CLEC2L: variants seen among roughly 807,000 people sequenced by gnomAD.
CLEC2L encodes the protein C-type lectin domain family 2 member L.
CLEC2L carries 14 observed loss-of-function variants against 23.6 expected under a neutral mutation model. The observed-to-expected ratio is 0.59, with a 90% CI of 0.39 to 0.93. The LOEUF (loss-of-function observed/expected upper bound fraction) is 0.93. Ranked by LOEUF, CLEC2L falls within the 40% of genes least tolerant of loss-of-function variation. The pLI is 0.00. For missense variants in CLEC2L, 264 were observed against 282.4 expected (o/e 0.93, Z 0.47); for synonymous variants, 114 against 121.3 (o/e 0.94, Z 0.40).
At chr7:139,529,447 A>G (rs1278805419) in intron 1 of CLEC2L, among the ~76,000 whole-genome samples, 1 of 152,246 alleles carries the variant, frequency 6.6e-6, no homozygotes, top group African/African-American at 2.4e-5. Context: ...GGATTACAGC[A>G]TCAATGATAG....
chr7:139,531,441 A>C (rs1171407141), intron 1 of CLEC2L, among the ~76,000 whole-genome samples: 1 of 152,202 alleles, frequency 6.6e-6, no homozygotes, highest in African/African-American at 2.4e-5. Flanking sequence ...AGGATGATAA[A>C]ATTGAGAAAA....
In CLEC2L at chr7:139,544,239, T is replaced by G; in HGVS notation, c.542T>G (p.Ile181Ser). 6.2e-7 allele frequency: 1 copy of G among 1,612,458 alleles called. No homozygotes were observed. The highest frequency in any genetic ancestry group is 8.5e-7 in the Non-Finnish European group (1 of 1,178,990). ...TTCTCTCCTGGCCACAGGTTCACCA[T>G]CGCAGGTCCAGGGGAGTGTGTCTTC... ...GDPFDPDTFT[I>S]AGPGECVFVE... Residue 181 changes from isoleucine (I) to serine (S), a missense_variant, in exon 5 of 5, where the codon ATC (isoleucine) becomes AGC (serine). Coordinates refer to ENST00000422142, the MANE Select transcript of CLEC2L (RefSeq NM_001080511.4).
chr7:139,533,264 C>G (rs1442010599), intron 1 of CLEC2L, among the ~76,000 whole-genome samples: 1 of 152,154 alleles, frequency 6.6e-6, no homozygotes, highest in Non-Finnish European at 1.5e-5. Context: ...TATTTACATA[C>G]ACATGGCACT....
In CLEC2L at chr7:139,525,415, A is replaced by C. The variant is rs115966776; in HGVS notation, c.190+1298A>C. Among the ~76,000 whole-genome samples the C allele has an allele frequency of 5.3e-4, 81 of 152,282 alleles. 2 individuals are homozygous for C. The South Asian group carries it at 0.016, about 30-fold the overall frequency. On this transcript the variant is annotated intron_variant, in intron 1 of 4. Transcript: ENST00000422142. ...TGCACTGTCCGAGGAAGGGCTGTGC[A>C]GACTCTGAAGCTGGACCACCAGACA... is the stretch of plus-strand genomic sequence containing the variant.
intron 1 of CLEC2L, among the ~76,000 whole-genome samples, chr7:139,526,525 G>A (rs772483292): frequency 3.3e-5 from 5 of 152,166 alleles, no homozygotes; most frequent in Admixed American, 6.5e-5. Flanking sequence ...TGCAACATCC[G>A]GGTACCATTC....
intron 1 of CLEC2L, among the ~76,000 whole-genome samples, chr7:139,525,411 G>A (rs1797493078): frequency 6.6e-6 from 1 of 152,170 alleles, no homozygotes; most frequent in African/African-American, 2.4e-5. Flanking sequence ...AGGAAGGGCT[G>A]TGCAGACTCT....
At position 139,524,101 on chromosome 7, in the gene CLEC2L, G is replaced by C. The variant is rs1585194900; in HGVS notation, c.174G>C (p.Trp58Cys). Residue 58 changes from tryptophan to cysteine, a missense_variant, in exon 1 of 5, where the codon TGG becomes TGC. Trp to Cys is a radical substitution (Grantham distance 215). Coordinates refer to ENST00000422142, the MANE Select transcript of CLEC2L (RefSeq NM_001080511.4). ...CGGGCTACGAGGGCAGCACCAGCTG[G>C]AAGGCGGCCTTGGAGGGTAAGCGCG... ...SGSGYEGSTS[W>C]KAALEDTTTR... 2 of 1,228,308 alleles carry C rather than the reference G, an allele frequency of 1.6e-6. No individual in the cohort carries two copies. Among genetic ancestry groups the C allele is most frequent in the Non-Finnish European group, 2.0e-6 (2 of 982,996 alleles). 76.1% of individuals were successfully genotyped at this position (1,228,308 alleles called of 1,614,324 possible). A position where few individuals can be genotyped will look rare whatever the true frequency, so the allele number is the denominator to read the frequency against.
chr7:139,536,403 A>G, intron 2 of CLEC2L, 55 bp downstream of exon 2: 1 of 1,436,542 alleles, frequency 7.0e-7, no homozygotes, highest in Non-Finnish European at 9.6e-7. Flanking sequence ...CCTTGTTAAA[A>G]GCACGTCTAA....
At chr7:139,527,122 A>T (rs1251466972) in intron 1 of CLEC2L, among the ~76,000 whole-genome samples, 2 of 152,156 alleles carry the variant, frequency 1.3e-5, no homozygotes, top group Non-Finnish European at 2.9e-5. Context: ...TTTCATAGTC[A>T]TCATCTCAGT....
intron 4 of CLEC2L, among the ~76,000 whole-genome samples, 159 bp downstream of exon 4, chr7:139,542,280 A>G (rs1484986051): frequency 6.6e-6 from 1 of 152,070 alleles, no homozygotes; most frequent in South Asian, 2.1e-4. Context: ...CAGCCATGAA[A>G]ATGTCTGTAC....
At chr7:139,531,414 G>A (rs1177141371) in intron 1 of CLEC2L, among the ~76,000 whole-genome samples, 7 of 152,120 alleles carry the variant, frequency 4.6e-5, no homozygotes. Context: ...CAGAAATTAA[G>A]AACTCAGTAG....
At chr7:139,536,923 T>G (rs530988735) in intron 2 of CLEC2L, among the ~76,000 whole-genome samples, 1 of 136,696 alleles carries the variant, frequency 7.3e-6, no homozygotes, top group East Asian at 2.1e-4. Context: ...TGCAGTGAGT[T>G]GAGATCGCAC....
chr7:139,526,452 G>C (rs1356808556), intron 1 of CLEC2L, among the ~76,000 whole-genome samples: 3 of 152,106 alleles, frequency 2.0e-5, no homozygotes, highest in Non-Finnish European at 4.4e-5. Context: ...TCCTCTCCAG[G>C]GTGCTGCTGC....
rs566282378 is a variant in CLEC2L at position 139,527,903 on chromosome 7, T to C, written c.190+3786T>C. ...AGTTTTTAACAGTCAAGATTATGCTTGCCAGGCTGTGTCCCCGATGACTTA... is the reference window on the plus strand; with the variant it reads ...AGTTTTTAACAGTCAAGATTATGCTCGCCAGGCTGTGTCCCCGATGACTTA... On this transcript the variant is annotated intron_variant, in intron 1 of 4. Coordinates refer to ENST00000422142, the MANE Select transcript of CLEC2L (RefSeq NM_001080511.4). 5.9e-5 allele frequency among the ~76,000 whole-genome samples: 9 copies of C among 152,324 alleles called. 1 individual carries two copies. Among genetic ancestry groups the C allele is most frequent in the African/African-American group, 2.2e-4 (9 of 41,582 alleles).
At position 139,525,130 on chromosome 7, in the gene CLEC2L, G is replaced by A. The variant is rs1033707628; in HGVS notation, c.190+1013G>A. The stretch of plus-strand genomic sequence containing the variant: ...GGCCTGAAGGACCCAGACGGTGAAG[G>A]GCCAGCCAGGCCTTGCCCAGGAGCT... On this transcript the variant is annotated intron_variant, in intron 1 of 4. Transcript: ENST00000422142. 9.2e-5 allele frequency among the ~76,000 whole-genome samples: 14 copies of A among 152,144 alleles called. No homozygotes were observed. In the South Asian group the frequency reaches 1.7e-3, roughly 18 times the overall value.
intron 1 of CLEC2L, among the ~76,000 whole-genome samples, chr7:139,532,576 C>G (rs1246751699): frequency 6.6e-6 from 1 of 152,108 alleles, no homozygotes; most frequent in Non-Finnish European, 1.5e-5. Context: ...GGTTTCCTCC[C>G]CAAATTTATA....
chr7:139,527,499 C>T (rs1048781612), intron 1 of CLEC2L, among the ~76,000 whole-genome samples: 5 of 152,186 alleles, frequency 3.3e-5, no homozygotes, highest in Admixed American at 6.5e-5. Context: ...GCTTTATAAA[C>T]AGGAAGCCAA....
At chr7:139,541,277 G>A (rs1005076774) in intron 3 of CLEC2L, among the ~76,000 whole-genome samples, 2 of 151,930 alleles carry the variant, frequency 1.3e-5, no homozygotes, top group African/African-American at 2.4e-5. Context: ...CCAAAGTGCT[G>A]GTATTACAGG....
intron 2 of CLEC2L, among the ~76,000 whole-genome samples, chr7:139,538,429 TCAAAAAAAAAAAAA>T (rs1174384167): frequency 8.1e-6 from 1 of 122,892 alleles, no homozygotes; most frequent in African/African-American, 3.8e-5. Context: ...AGACTCTGTC[TCAAAAAAAAAAAAA>T]CAAAAAACAA....
Sources: gnomAD v4.1 joint callset for allele counts (sites outside exome capture counted in the v4.1 genomes callset) on GRCh38, gnomAD v4.1.1 for gene constraint, MANE v1.5 for transcripts, NCBI Gene and HGNC (gene_info 2026-07-23, HGNC 2026-07-21) for gene names.